RBFOX1: variants seen among roughly 807,000 people sequenced by gnomAD.
RBFOX1 encodes the protein RNA binding protein fox-1 homolog 1.
RBFOX1 carries 8 observed loss-of-function variants against 57.7 expected under a neutral mutation model. That is an observed-to-expected ratio of 0.14 (90% CI 0.08 to 0.25). The LOEUF (loss-of-function observed/expected upper bound fraction) is 0.25, where lower values mean the gene tolerates loss of function less well. RBFOX1 is among the 10% of genes least tolerant of loss of function. The pLI is 1.00. For synonymous variants in RBFOX1, 326 were observed against 222.4 expected (o/e 1.47, Z -4.15); for missense variants, 611 against 548.5 (o/e 1.11, Z -1.14).
At chr16:7,205,555 G>T (rs939874186) in intron 4 of RBFOX1, among the ~76,000 whole-genome samples, 1 of 151,782 alleles carries the variant, frequency 6.6e-6, no homozygotes, top group Admixed American at 6.6e-5. Flanking sequence ...AAAACTTACG[G>T]AAATAAACAT....
rs1383433867 is a variant in RBFOX1, at chr16:7,029,073, TATATATATACACACACACACAC to T, written c.-15-22982_-15-22961del. 2.2e-4 allele frequency among the ~76,000 whole-genome samples: 10 copies of T among 45,640 alleles called. 1 individual carries two copies. The highest frequency in any genetic ancestry group is 1.5e-3 in the African/African-American group (7 of 4,698). 29.9% of individuals were successfully genotyped at this position (45,640 alleles called of 152,430 possible). ...ATATATATATATATATATATATATA[TATATATATACACACACACACAC>T]ACACACACACACACACACACACACA... On this transcript the variant is annotated intron_variant, in intron 3 of 15. Transcript: ENST00000550418.
intron 2 of RBFOX1, among the ~76,000 whole-genome samples, chr16:6,500,109 C>G (rs190848310): frequency 6.6e-6 from 1 of 152,130 alleles, no homozygotes; most frequent in African/African-American, 2.4e-5. Context: ...GTTGAAGGAG[C>G]CATTCTTGAA....
intron 4 of RBFOX1, among the ~76,000 whole-genome samples, chr16:7,285,825 A>T (rs1195888230): frequency 1.3e-5 from 2 of 152,228 alleles, no homozygotes; most frequent in East Asian, 3.8e-4. Context: ...GCTCTTATAA[A>T]TAAAACTGTT....
At chr16:5,730,936 C>G (rs377077547) in intron 3 of RBFOX1, among the ~76,000 whole-genome samples, 2 of 148,484 alleles carry the variant, frequency 1.3e-5, no homozygotes, top group Admixed American at 6.6e-5. Flanking sequence ...ACTGGTGTCA[C>G]CATCATCACT....
At chr16:7,507,534 C>A (rs1027818859) in intron 4 of RBFOX1, among the ~76,000 whole-genome samples, 2 of 150,796 alleles carry the variant, frequency 1.3e-5, no homozygotes, top group African/African-American at 4.9e-5. Flanking sequence ...GGTGTGAAGG[C>A]CTTGGAACGT....
At chr16:6,813,485 A>G (rs150754664) in intron 3 of RBFOX1, among the ~76,000 whole-genome samples, 6 of 152,132 alleles carry the variant, frequency 3.9e-5, no homozygotes, top group African/African-American at 4.8e-5. Flanking sequence ...AGACAGGGCC[A>G]ATGGCTCTTT....
intron 4 of RBFOX1, among the ~76,000 whole-genome samples, chr16:7,315,467 C>CG (rs60940446): frequency 4.0e-5 from 6 of 149,898 alleles, no homozygotes; most frequent in African/African-American, 1.2e-4. Flanking sequence ...CCCCCCCCCC[C>CG]ATACTGGGGG....
At chr16:7,156,389 A>G (rs1461405448) in intron 4 of RBFOX1, among the ~76,000 whole-genome samples, 7 of 152,000 alleles carry the variant, frequency 4.6e-5, no homozygotes, top group Non-Finnish European at 1.0e-4. Context: ...ACATATATGC[A>G]CACATACATG....
At chr16:5,569,438 CTTTTTTTTTTTTTTTT>C (rs796279138) in intron 2 of RBFOX1, among the ~76,000 whole-genome samples, 5 of 49,180 alleles carry the variant, frequency 1.0e-4, no homozygotes, top group South Asian at 2.3e-3. Flanking sequence ...AAGAAGTAAC[CTTTTTTTTTTTTTTTT>C]TTTTTTTTTT....
At chr16:6,917,975 C>G (rs1318278528) in intron 3 of RBFOX1, among the ~76,000 whole-genome samples, 1 of 152,078 alleles carries the variant, frequency 6.6e-6, no homozygotes, top group Admixed American at 6.6e-5. Context: ...AGGAGAGCCA[C>G]TTACGAATTT....
chr16:5,746,196 A>G (rs1239609303), intron 3 of RBFOX1, among the ~76,000 whole-genome samples: 1 of 152,206 alleles, frequency 6.6e-6, no homozygotes, highest in African/African-American at 2.4e-5. Flanking sequence ...TAAATAGGGA[A>G]TCCTTCCCCC....
intron 3 of RBFOX1, among the ~76,000 whole-genome samples, chr16:5,613,266 G>C (rs1299063751): frequency 2.0e-5 from 3 of 152,222 alleles, no homozygotes; most frequent in Non-Finnish European, 4.4e-5. Flanking sequence ...TCAAGGCTCA[G>C]AACACACATA....
chr16:7,509,542 G>T (rs1301797732), intron 4 of RBFOX1, among the ~76,000 whole-genome samples: 1 of 152,110 alleles, frequency 6.6e-6, no homozygotes, highest in African/African-American at 2.4e-5. Context: ...GCAAAAACTA[G>T]TGCTTGGAGT....
At chr16:5,345,930 C>G (rs1464512872) in intron 1 of RBFOX1, among the ~76,000 whole-genome samples, 1 of 152,186 alleles carries the variant, frequency 6.6e-6, no homozygotes, top group Non-Finnish European at 1.5e-5. Flanking sequence ...GTGGAAGAAA[C>G]CCTGCTAATT....
chr16:5,848,774 C>T (rs1031316030), intron 3 of RBFOX1, among the ~76,000 whole-genome samples: 3 of 151,892 alleles, frequency 2.0e-5, no homozygotes, highest in African/African-American at 4.8e-5. Flanking sequence ...TGGTGAAACC[C>T]CGTCTCTAAT....
At chr16:7,446,038 C>G (rs188749810) in intron 4 of RBFOX1, among the ~76,000 whole-genome samples, 1 of 152,188 alleles carries the variant, frequency 6.6e-6, no homozygotes, top group Non-Finnish European at 1.5e-5. Flanking sequence ...CATGGTCTTG[C>G]TACAGCCGCT....
intron 4 of RBFOX1, among the ~76,000 whole-genome samples, chr16:7,477,063 G>A (rs1235456461): frequency 6.6e-6 from 1 of 152,040 alleles, no homozygotes; most frequent in African/African-American, 2.4e-5. Context: ...TTCCTTAACA[G>A]CAAGTTTCTT....
intron 3 of RBFOX1, among the ~76,000 whole-genome samples, chr16:6,985,093 C>G (rs555475619): frequency 7.2e-5 from 11 of 152,062 alleles, no homozygotes; most frequent in African/African-American, 1.7e-4. Flanking sequence ...GGAATTTCCT[C>G]TCCCCTCTCC....
chr16:5,526,567 GTGT>G lies in RBFOX1; in HGVS notation c.258+59314_258+59316del, dbSNP rs2044254405. Among the ~76,000 whole-genome samples the G allele has an allele frequency of 2.0e-5, 3 of 152,302 alleles. No homozygotes were observed. The South Asian group carries it at 6.2e-4, about 32-fold the overall frequency. On this transcript the variant is annotated intron_variant, in intron 2 of 2. Transcript: ENST00000585867. ...GCCTCCCAAAGTGCTGGGATTATAG[GTGT>G]GAGCCACCACACCTGGCTTCCACTC...
Sources: gnomAD v4.1 joint callset for allele counts (sites outside exome capture counted in the v4.1 genomes callset) on GRCh38, gnomAD v4.1.1 for gene constraint, MANE v1.5 for transcripts, NCBI Gene and HGNC (gene_info 2026-07-23, HGNC 2026-07-21) for gene names.